TMED5: variants seen among roughly 807,000 people sequenced by gnomAD.
TMED5 encodes the protein transmembrane emp24 domain-containing protein 5.
Under a neutral mutation model 23.0 loss-of-function variants are expected in TMED5, and 27 were observed. The ratio of observed to expected loss-of-function variants is 1.17; its 90% CI spans 0.86 to 1.62. The LOEUF is 1.62. Ranked by LOEUF, TMED5 falls within the 40% of genes most tolerant of loss-of-function variation. The pLI, the probability that TMED5 is intolerant of heterozygous loss-of-function variation, is 0.00. For missense variants in TMED5, 248 were observed against 273.7 expected (o/e 0.91, Z 0.66); for synonymous variants, 97 against 100.8 (o/e 0.96, Z 0.23).
intron 1 of TMED5, among the ~76,000 whole-genome samples, chr1:93,168,947 G>A (rs1648602506): frequency 6.6e-6 from 1 of 152,178 alleles, no homozygotes; most frequent in Non-Finnish European, 1.5e-5. Flanking sequence ...CAAAATATGT[G>A]AGGCAAAAAC....
rs753034599 is a variant in TMED5 at position 93,153,873 on chromosome 1, C to A, written c.*797G>T. On this transcript the variant is annotated 3_prime_UTR_variant, in exon 4 of 4. Coordinates refer to ENST00000370282, the MANE Select transcript of TMED5 (RefSeq NM_016040.5). ...TATTAAAAATAAACTTATTTTACCT[C>A]ACATTTAATTTTAAAATCCTACACT... 6.6e-6 allele frequency: 1 copy of A among 152,192 alleles called. No individual in the cohort carries two copies. Among genetic ancestry groups the A allele is most frequent in the Non-Finnish European group, 1.5e-5 (1 of 68,004 alleles). The allele number at this position is 152,192 out of a possible 1,614,324, so 9.4% of individuals were successfully genotyped here. A position where few individuals can be genotyped will look rare whatever the true frequency, so the allele number is the denominator to read the frequency against.
intron 1 of TMED5, among the ~76,000 whole-genome samples, chr1:93,171,973 G>A (rs1348164612): frequency 2.0e-5 from 3 of 152,080 alleles, no homozygotes; most frequent in African/African-American, 4.8e-5. Flanking sequence ...TCACAGCAAT[G>A]GGTATGGAAA....
intron 1 of TMED5, among the ~76,000 whole-genome samples, chr1:93,177,680 T>C (rs992934582): frequency 4.0e-5 from 6 of 149,580 alleles, no homozygotes; most frequent in African/African-American, 1.2e-4. Context: ...TACATAACTA[T>C]AGAGGTATAA....
chr1:93,177,300 C>T (rs1452431059), intron 1 of TMED5, among the ~76,000 whole-genome samples: 5 of 152,082 alleles, frequency 3.3e-5, no homozygotes, highest in Admixed American at 6.5e-5. Flanking sequence ...TAGTCCCAGC[C>T]GGGCGCGGTG....
intron 3 of TMED5, chr1:93,155,986 T>C: frequency 1.1e-6 from 1 of 937,314 alleles, no homozygotes; most frequent in Non-Finnish European, 1.6e-6. Flanking sequence ...AGAAGCATAA[T>C]CTATTTATAA....
chr1:93,176,261 C>G (rs1381053836), intron 1 of TMED5, among the ~76,000 whole-genome samples: 1 of 152,040 alleles, frequency 6.6e-6, no homozygotes, highest in East Asian at 1.9e-4. Context: ...TATCTTGGCA[C>G]GTTGTTGTTC....
At chr1:93,175,506 A>G (rs1648883516) in intron 1 of TMED5, among the ~76,000 whole-genome samples, 1 of 151,298 alleles carries the variant, frequency 6.6e-6, no homozygotes, top group Admixed American at 6.6e-5. Flanking sequence ...AATACTCAAA[A>G]GACATTTTTT....
intron 1 of TMED5, among the ~76,000 whole-genome samples, chr1:93,178,728 T>C (rs1649050934): frequency 6.6e-6 from 1 of 152,228 alleles, no homozygotes; most frequent in Admixed American, 6.5e-5. Context: ...AGATATTTTA[T>C]TCTCTGTGCT....
intron 2 of TMED5, among the ~76,000 whole-genome samples, chr1:93,159,774 CTT>C (rs1374988452): frequency 6.6e-6 from 1 of 151,990 alleles, no homozygotes; most frequent in Non-Finnish European, 1.5e-5. Flanking sequence ...GCTCAAGAAA[CTT>C]TAAGACATAT....
intron 1 of TMED5, chr1:93,179,784 C>T: frequency 2.3e-6 from 1 of 432,196 alleles, no homozygotes; most frequent in Non-Finnish European, 4.1e-6. Context: ...GAAAAGCCAG[C>T]GACATCACCA....
intron 2 of TMED5, among the ~76,000 whole-genome samples, chr1:93,159,695 G>C (rs753950004): frequency 6.6e-6 from 1 of 151,338 alleles, no homozygotes; most frequent in Non-Finnish European, 1.5e-5. Flanking sequence ...AAAAATTTAC[G>C]TACACACAAA....
chr1:93,177,584 CAAAAAAA>C (rs11322215), intron 1 of TMED5, among the ~76,000 whole-genome samples: 1 of 44,406 alleles, frequency 2.3e-5, no homozygotes, highest in Non-Finnish European at 3.5e-5. Flanking sequence ...GACTCTGTCT[CAAAAAAA>C]AAAAAAAAAA....
At chr1:93,178,464 A>G (rs1158682785) in intron 1 of TMED5, among the ~76,000 whole-genome samples, 1 of 152,010 alleles carries the variant, frequency 6.6e-6, no homozygotes, top group African/African-American at 2.4e-5. Flanking sequence ...ACCCTCCTCT[A>G]CTGGTACTTA....
rs1433555794 is a variant in TMED5, at chr1:93,152,031, T to G, written c.*2639A>C. ...AAAATTTCAGATAAAGAATTTTCAT[T>G]TGAGGAGACATACAATTGTAAGTGC... On this transcript the variant is annotated 3_prime_UTR_variant, in exon 4 of 4. Transcript: ENST00000370282. 1 of 152,640 alleles carries G rather than the reference T, an allele frequency of 6.6e-6. No individual in the cohort carries two copies. The highest frequency in any genetic ancestry group is 2.4e-5 in the African/African-American group (1 of 41,448). 9.5% of individuals were successfully genotyped at this position (152,640 alleles called of 1,614,324 possible).
At chr1:93,170,952 G>C (rs540962460) in intron 1 of TMED5, among the ~76,000 whole-genome samples, 3 of 152,180 alleles carry the variant, frequency 2.0e-5, no homozygotes, top group Non-Finnish European at 2.9e-5. Context: ...GCGAAATGTG[G>C]GTGGGGCCAG....
chr1:93,156,098 T>C (rs1413031854), intron 3 of TMED5: 4 of 1,417,256 alleles, frequency 2.8e-6, no homozygotes, highest in Non-Finnish European at 3.8e-6. Flanking sequence ...GAAGATAAGT[T>C]ATTTGAAAAC....
chr1:93,178,941 CT>C (rs1410860939), intron 1 of TMED5, among the ~76,000 whole-genome samples: 1 of 152,176 alleles, frequency 6.6e-6, no homozygotes, highest in South Asian at 2.1e-4. Flanking sequence ...TCTTTCCCCC[CT>C]GTACTGCTAC....
chr1:93,161,457 G>A (rs1278547263), intron 1 of TMED5: 1 of 152,106 alleles, frequency 6.6e-6, no homozygotes, highest in African/African-American at 2.4e-5. Context: ...TCATCCAATT[G>A]TATTCATTCT....
intron 1 of TMED5, among the ~76,000 whole-genome samples, chr1:93,170,982 C>G (rs1224520858): frequency 6.6e-6 from 1 of 152,156 alleles, no homozygotes. Context: ...TTAAAGCAGG[C>G]TGCCTCAGCC....
Sources: allele counts gnomAD v4.1 joint callset (sites outside exome capture counted in the v4.1 genomes callset), GRCh38; gene constraint gnomAD v4.1.1; transcripts MANE v1.5; gene names NCBI Gene and HGNC (gene_info 2026-07-23, HGNC 2026-07-21).